Variants in SPINK5 observed in about 807,000 individuals in gnomAD.
The protein encoded by SPINK5 is serine protease inhibitor Kazal-type 5.
A neutral mutation model predicts 151.8 loss-of-function variants in SPINK5; 125 were observed. The observed-to-expected ratio is 0.82, with a 90% CI of 0.71 to 0.96. The LOEUF is 0.96. Ranked by LOEUF, SPINK5 falls within the 40% of genes least tolerant of loss-of-function variation. SPINK5 has a pLI of 0.00. For synonymous variants in SPINK5, 374 were observed against 395.3 expected (o/e 0.95, Z 0.64); for missense variants, 1,194 against 1,291.9 (o/e 0.92, Z 1.16).
intron 4 of SPINK5, among the ~76,000 whole-genome samples, chr5:148,078,572 A>T (rs577299740): frequency 6.6e-6 from 1 of 151,052 alleles, no homozygotes; most frequent in African/African-American, 2.4e-5. Context: ...TATTAAAATC[A>T]TATATAGTAT....
At position 148,108,853 on chromosome 5, in the gene SPINK5, C is replaced by A. The variant is rs1168100075; in HGVS notation, c.1692+16C>A. Reference sequence around the variant, plus strand: ...AGCAGTTCAGGTAGTTGTTTGAGATCATCAGAGCCACATAAATATTCAACG... The same window carrying A: ...AGCAGTTCAGGTAGTTGTTTGAGATAATCAGAGCCACATAAATATTCAACG... On this transcript the variant is annotated intron_variant, in intron 18 of 32. Coordinates refer to ENST00000256084, the MANE Select transcript of SPINK5 (RefSeq NM_006846.4). The A allele has an allele frequency of 2.5e-6, 4 of 1,610,944 alleles. No individual in the cohort carries two copies. The highest frequency in any genetic ancestry group is 2.2e-5 in the South Asian group (2 of 90,968).
intron 4 of SPINK5, among the ~76,000 whole-genome samples, chr5:148,082,489 A>C (rs1270132918): frequency 1.1e-4 from 16 of 150,550 alleles, no homozygotes; most frequent in Admixed American, 9.9e-4. Context: ...TTAGCTTTTA[A>C]TTTTATTAAA....
At position 148,120,158 on chromosome 5, in the gene SPINK5, C is replaced by G. The variant is rs369933837; in HGVS notation, c.2441+22C>G. The G allele has an allele frequency of 2.2e-5, 35 of 1,613,868 alleles. No homozygotes were observed. In the African/African-American group the frequency reaches 4.5e-4, roughly 21 times the overall value. On this transcript the variant is annotated intron_variant, in intron 25 of 32. Transcript: ENST00000256084. Reference sequence around the variant, plus strand: ...AACTGTGAGTATGTTTCAAAATGAGCTTTTGACTGTGAGTCTTAAAGTACA... The same window carrying G: ...AACTGTGAGTATGTTTCAAAATGAGGTTTTGACTGTGAGTCTTAAAGTACA...
chr5:148,126,229 C>G (rs1754427143), intron 29 of SPINK5, among the ~76,000 whole-genome samples: 1 of 151,864 alleles, frequency 6.6e-6, no homozygotes, highest in Admixed American at 6.6e-5. Flanking sequence ...AATCTTGGGG[C>G]TATGGAATTT....
chr5:148,088,488 T>C, intron 5 of SPINK5, 54 bp from the exon 6 acceptor site: 1 of 1,506,262 alleles, frequency 6.6e-7, no homozygotes, highest in Non-Finnish European at 9.2e-7. Flanking sequence ...TAGGTTTGAA[T>C]GGTGGGAAGT....
intron 1 of SPINK5, among the ~76,000 whole-genome samples, chr5:148,064,336 T>C (rs1338777216): frequency 6.6e-6 from 1 of 152,244 alleles, no homozygotes; most frequent in East Asian, 1.9e-4. Context: ...GAGAAATTCT[T>C]CCATTAATTC....
intron 10 of SPINK5, among the ~76,000 whole-genome samples, 179 bp downstream of exon 10, chr5:148,096,084 T>C (rs1753452873): frequency 6.6e-6 from 1 of 152,062 alleles, no homozygotes; most frequent in Middle Eastern, 3.4e-3. Flanking sequence ...GATTAAAAAA[T>C]TATGGCATTA....
At chr5:148,074,965 G>C (rs1752840598) in intron 4 of SPINK5, among the ~76,000 whole-genome samples, 1 of 151,266 alleles carries the variant, frequency 6.6e-6, no homozygotes, top group Non-Finnish European at 1.5e-5. Context: ...GATTTCTTCA[G>C]GTTAATCTTA....
intron 4 of SPINK5, among the ~76,000 whole-genome samples, chr5:148,073,286 T>G (rs951845569): frequency 3.3e-5 from 5 of 151,974 alleles, no homozygotes; most frequent in Non-Finnish European, 7.4e-5. Flanking sequence ...GACATCTTCC[T>G]TGGCAGTGTT....
intron 21 of SPINK5, 123 bp downstream of exon 21, chr5:148,114,612 A>G: frequency 7.2e-7 from 1 of 1,383,602 alleles, no homozygotes; most frequent in South Asian, 1.2e-5. Context: ...GGTTATCTGT[A>G]AAGCATTTGA....
intron 4 of SPINK5, among the ~76,000 whole-genome samples, chr5:148,076,075 C>T (rs753211118): frequency 4.5e-4 from 69 of 151,700 alleles, no homozygotes; most frequent in Non-Finnish European, 6.6e-4. Flanking sequence ...TGCGCATATC[C>T]GCTTAATAAA....
intron 31 of SPINK5, among the ~76,000 whole-genome samples, chr5:148,133,248 A>C (rs1395165374): frequency 6.6e-6 from 1 of 152,232 alleles, no homozygotes; most frequent in Non-Finnish European, 1.5e-5. Context: ...TTTCAATTTA[A>C]GCAATGCTAA....
chr5:148,124,933 TCTTAA>T, intron 28 of SPINK5, 96 bp downstream of exon 28: 1 of 1,321,842 alleles, frequency 7.6e-7, no homozygotes, highest in South Asian at 2.2e-5. Flanking sequence ...TATATTAATA[TCTTAA>T]CTTCAAAGAA....
chr5:148,120,938 A>G (rs1480829720), intron 26 of SPINK5, among the ~76,000 whole-genome samples: 1 of 151,948 alleles, frequency 6.6e-6, no homozygotes, highest in East Asian at 1.9e-4. Flanking sequence ...AGGTCAGGAA[A>G]TCGAGACCAT....
rs376207194 is a variant in SPINK5, at chr5:148,133,767, G to T, written c.3096-30G>T. On this transcript the variant is annotated intron_variant, in intron 31 of 32. Coordinates refer to ENST00000256084, the MANE Select transcript of SPINK5 (RefSeq NM_006846.4). ...TCTTATTATAACTGAGAACTTCCTC[G>T]TTGTTGAAGCATCCTCTGATCTGTT... The T allele has an allele frequency of 2.5e-6, 4 of 1,609,294 alleles. No individual in the cohort carries two copies. The African/African-American group carries it at 5.3e-5, about 22-fold the overall frequency.
chr5:148,099,375 G>T, intron 12 of SPINK5, 60 bp downstream of exon 12: 1 of 1,474,792 alleles, frequency 6.8e-7, no homozygotes, highest in Non-Finnish European at 9.4e-7. Flanking sequence ...AATTTTAAGA[G>T]CCTAAAGGGT....
Position 148,132,954 on chromosome 5 carries a change from A to G in SPINK5, c.3096-843A>G, listed in dbSNP as rs1041064735. On this transcript the variant is annotated intron_variant, in intron 31 of 32. Coordinates refer to ENST00000256084, the MANE Select transcript of SPINK5 (RefSeq NM_006846.4). ...ACTATATATACCTTATCTCCAGCCCAGAAATCCTTTAATTCCTCTTTCTTA... is the reference window on the plus strand; with the variant it reads ...ACTATATATACCTTATCTCCAGCCCGGAAATCCTTTAATTCCTCTTTCTTA... Among the ~76,000 whole-genome samples the G allele has an allele frequency of 7.2e-5, 11 of 152,326 alleles. No individual in the cohort carries two copies. The South Asian group carries it at 2.3e-3, about 32-fold the overall frequency.
At chr5:148,110,270 A>G (rs1473615432) in intron 18 of SPINK5, among the ~76,000 whole-genome samples, 2 of 152,152 alleles carry the variant, frequency 1.3e-5, no homozygotes, top group Non-Finnish European at 2.9e-5. Context: ...ATTGCTGTTA[A>G]TGTCATTATT....
chr5:148,074,442 C>A (rs1289833702), intron 4 of SPINK5, among the ~76,000 whole-genome samples: 1 of 151,764 alleles, frequency 6.6e-6, no homozygotes, highest in Non-Finnish European at 1.5e-5. Context: ...TGAATTCATT[C>A]ATTCAATGTT....
Sources: allele counts gnomAD v4.1 joint callset (sites outside exome capture counted in the v4.1 genomes callset), GRCh38; gene constraint gnomAD v4.1.1; transcripts MANE v1.5; gene names NCBI Gene and HGNC (gene_info 2026-07-23, HGNC 2026-07-21).